SPNS3: variants seen among roughly 807,000 people sequenced by gnomAD.
SPNS3 encodes protein spinster homolog 3.
Under a neutral mutation model 54.4 loss-of-function variants are expected in SPNS3, and 51 were observed. The observed-to-expected ratio is 0.94, with a 90% CI of 0.75 to 1.18. SPNS3 has a LOEUF of 1.18. SPNS3 is among the 50% of genes most tolerant of loss of function. The pLI is 0.00. For synonymous variants in SPNS3, 309 were observed against 294.7 expected (o/e 1.05, Z -0.50); for missense variants, 669 against 677.4 (o/e 0.99, Z 0.14).
At chr17:4,435,021 C>G (rs1380795610) in intron 1 of SPNS3, among the ~76,000 whole-genome samples, 1 of 151,968 alleles carries the variant, frequency 6.6e-6, no homozygotes, top group Non-Finnish European at 1.5e-5. Context: ...CAGGCTGTCT[C>G]GAACTCCAGA....
chr17:4,478,669 C>T (rs1329817813), intron 9 of SPNS3, 32 bp downstream of exon 9: 2 of 1,567,874 alleles, frequency 1.3e-6, no homozygotes, highest in Non-Finnish European at 1.7e-6. Flanking sequence ...GTGGGCTGAG[C>T]AGGGGGAGCT....
chr17:4,478,771 C>A, intron 9 of SPNS3, 134 bp downstream of exon 9: 2 of 833,556 alleles, frequency 2.4e-6, no homozygotes, highest in Non-Finnish European at 1.9e-6. Flanking sequence ...TCACGGTTAT[C>A]TTGGACCAGA....
chr17:4,446,959 C>G lies in SPNS3; in HGVS notation c.618C>G (p.Leu206=), dbSNP rs749340677. Residue 206 remains leucine, a synonymous_variant, in exon 5 of 12, where the codon CTC becomes CTG. Transcript: ENST00000355530. ...TMLTGNWRWA[L]RVMPCLEAVA... is the part of the protein sequence containing the mutation. ...TGACTGGGAACTGGCGCTGGGCCCT[C>G]CGAGTGAGTCCAGCTTCCTTTTCTT... 1.2e-6 allele frequency: 2 copies of G among 1,614,108 alleles called. No individual in the cohort carries two copies. Among genetic ancestry groups the G allele is most frequent in the Non-Finnish European group, 1.7e-6 (2 of 1,179,992 alleles).
chr17:4,437,104 G>A (rs1438088154), intron 1 of SPNS3, among the ~76,000 whole-genome samples: 1 of 152,214 alleles, frequency 6.6e-6, no homozygotes, highest in African/African-American at 2.4e-5. Context: ...AAACCGTGCT[G>A]AGCATCTGGG....
intron 8 of SPNS3, among the ~76,000 whole-genome samples, chr17:4,468,733 C>G (rs1397849206): frequency 1.4e-5 from 2 of 139,558 alleles, no homozygotes; most frequent in African/African-American, 5.8e-5. Context: ...TTCTTTCTTT[C>G]TTTCTTTCTT....
intron 8 of SPNS3, among the ~76,000 whole-genome samples, chr17:4,470,987 C>T (rs568751292): frequency 5.3e-5 from 8 of 152,240 alleles, no homozygotes; most frequent in South Asian, 2.1e-4. Flanking sequence ...TGGGATGGCA[C>T]GAACTCGGAT....
At chr17:4,436,962 G>T (rs1046749726) in intron 1 of SPNS3, among the ~76,000 whole-genome samples, 4 of 152,238 alleles carry the variant, frequency 2.6e-5, no homozygotes, top group African/African-American at 9.6e-5. Context: ...TCTGCCGCTA[G>T]CCCTGGAGGT....
chr17:4,434,417 T>C (rs1485969450), intron 1 of SPNS3, among the ~76,000 whole-genome samples: 4 of 152,192 alleles, frequency 2.6e-5, no homozygotes, highest in Admixed American at 2.6e-4. Context: ...TCCAGCACTT[T>C]GGGAGGCTGA....
rs1188157496 is a variant in SPNS3, at chr17:4,483,288, CAG to C, written c.1180-2937_1180-2936del. Among the ~76,000 whole-genome samples, 2 of 152,212 alleles carry C rather than the reference CAG, an allele frequency of 1.3e-5. No homozygotes were observed. The highest frequency in any genetic ancestry group is 4.8e-5 in the African/African-American group (2 of 41,444). Reference sequence around the variant, plus strand: ...CCTTCTAAGAAGGGAGAGCCAGAAACAGAGGTGTTTTTGTCTCAGAATAGAGT... The same window carrying C: ...CCTTCTAAGAAGGGAGAGCCAGAAACAGGTGTTTTTGTCTCAGAATAGAGT... On this transcript the variant is annotated intron_variant, in intron 9 of 11. Coordinates refer to ENST00000355530, the MANE Select transcript of SPNS3 (RefSeq NM_182538.5). The surrounding 1 kb of genome is among the most constrained non-coding windows in gnomAD (Gnocchi z 4.2).
chr17:4,467,886 G>T (rs1367929050), intron 8 of SPNS3, among the ~76,000 whole-genome samples: 14 of 152,140 alleles, frequency 9.2e-5, no homozygotes, highest in Admixed American at 9.2e-4. Flanking sequence ...GGCCAGGGTG[G>T]CCTCGAATTC....
chr17:4,483,679 G>C lies in SPNS3; in HGVS notation c.1180-2549G>C, dbSNP rs982603308. The C allele has an allele frequency of 2.0e-5, 3 of 152,234 alleles. No homozygotes were observed. Among genetic ancestry groups the C allele is most frequent in the African/African-American group, 4.8e-5 (2 of 41,428 alleles). 9.4% of individuals were successfully genotyped at this position (152,234 alleles called of 1,614,324 possible). ...ATTATGGGGTGAGAAGGAAGTCCTT[G>C]GGGAAGGTGCAAAGCTGTTGGTCAG... is the stretch of plus-strand genomic sequence containing the variant. On this transcript the variant is annotated intron_variant, in intron 9 of 11. Coordinates refer to ENST00000355530, the MANE Select transcript of SPNS3 (RefSeq NM_182538.5). The surrounding 1 kb of genome is among the most constrained non-coding windows in gnomAD (Gnocchi z 4.2).
rs982781428 is a variant in SPNS3, at chr17:4,454,770, A to G, written c.1113+1565A>G. Among the ~76,000 whole-genome samples, 7 of 151,260 alleles carry G rather than the reference A, an allele frequency of 4.6e-5. No individual in the cohort carries two copies. In the East Asian group the frequency reaches 1.4e-3, roughly 30 times the overall value. On this transcript the variant is annotated intron_variant, in intron 8 of 11. Transcript: ENST00000355530. ...CAAGTAGCTGGGATTACAGGCACACACCACCAAGCCCGGCTAATTTTTTTG... is the reference window on the plus strand; with the variant it reads ...CAAGTAGCTGGGATTACAGGCACACGCCACCAAGCCCGGCTAATTTTTTTG...
intron 1 of SPNS3, among the ~76,000 whole-genome samples, chr17:4,437,816 T>G (rs1217517033): frequency 1.3e-5 from 2 of 148,684 alleles, no homozygotes; most frequent in African/African-American, 5.0e-5. Flanking sequence ...AGACGGAGTC[T>G]CACTCTGTCG....
intron 8 of SPNS3, among the ~76,000 whole-genome samples, chr17:4,472,774 CTTTTTTTTTTTTTTTTTTTT>C (rs375118697): frequency 1.2e-4 from 6 of 50,942 alleles, no homozygotes; most frequent in Non-Finnish European, 2.0e-4. Context: ...GCTTGGCAGC[CTTTTTTTTTTTTTTTTTTTT>C]TTTTTTTTTT....
intron 7 of SPNS3, among the ~76,000 whole-genome samples, chr17:4,452,167 G>C (rs1430876082): frequency 1.3e-5 from 2 of 152,076 alleles, no homozygotes; most frequent in Non-Finnish European, 2.9e-5. Flanking sequence ...TATGATCATA[G>C]CTCACTGTGG....
intron 8 of SPNS3, among the ~76,000 whole-genome samples, chr17:4,475,035 TG>T: frequency 6.6e-6 from 1 of 152,088 alleles, no homozygotes; most frequent in East Asian, 1.9e-4. Flanking sequence ...CTGGGCATGT[TG>T]GCGCGGCCGC....
chr17:4,459,107 A>G (rs1971424946), intron 8 of SPNS3, among the ~76,000 whole-genome samples: 2 of 152,126 alleles, frequency 1.3e-5, no homozygotes, highest in South Asian at 2.1e-4. Context: ...CCGTCTCTCC[A>G]TGGATTCCTC....
At chr17:4,438,356 C>T (rs940141593) in intron 1 of SPNS3, among the ~76,000 whole-genome samples, 3 of 152,200 alleles carry the variant, frequency 2.0e-5, no homozygotes, top group African/African-American at 7.2e-5. Context: ...CAATGACAGT[C>T]CCCCTCTTTT....
At chr17:4,462,714 CATCCACCCACCCACCCATCCACCA>C in intron 8 of SPNS3, among the ~76,000 whole-genome samples, 1 of 141,548 alleles carries the variant, frequency 7.1e-6, no homozygotes, top group African/African-American at 2.6e-5. Context: ...TCCATCCATC[CATCCACCCACCCACCCATCCACCA>C]ATCCATCCAT....
Sources: gnomAD v4.1 joint callset for allele counts (sites outside exome capture counted in the v4.1 genomes callset) on GRCh38, gnomAD v4.1.1 for gene constraint, Gnocchi (gnomAD v3.1) non-coding constraint, MANE v1.5 for transcripts, NCBI Gene and HGNC (gene_info 2026-07-23, HGNC 2026-07-21) for gene names.